ETV5: variants seen among roughly 807,000 people sequenced by gnomAD.
The protein encoded by ETV5 is ETS variant transcription factor 5.
In ETV5, 10 loss-of-function variants were observed where a neutral mutation model predicts 70.0. The observed-to-expected ratio is 0.14, with a 90% confidence interval of 0.09 to 0.24. The LOEUF is 0.24. Ranked by LOEUF, ETV5 falls within the 10% of genes least tolerant of loss-of-function variation. ETV5 has a pLI of 1.00. For missense variants in ETV5, 453 were observed against 651.2 expected (o/e 0.70, Z 3.31); for synonymous variants, 216 against 242.2 (o/e 0.89, Z 1.01).
At chr3:186,100,879 G>C (rs1221314771) in intron 5 of ETV5, among the ~76,000 whole-genome samples, 1 of 152,118 alleles carries the variant, frequency 6.6e-6, no homozygotes, top group Non-Finnish European at 1.5e-5. Flanking sequence ...TATCATAACT[G>C]AAATTAATAA....
At chr3:186,106,084 T>C in intron 1 of ETV5, 142 bp from the exon 2 acceptor site, 1 of 609,742 alleles carries the variant, frequency 1.6e-6, no homozygotes, top group Admixed American at 2.8e-5. Flanking sequence ...GTGCAAGCTT[T>C]ACACACCAAT....
intron 5 of ETV5, among the ~76,000 whole-genome samples, chr3:186,096,603 T>C (rs1714308989): frequency 6.6e-6 from 1 of 151,872 alleles, no homozygotes; most frequent in South Asian, 2.1e-4. Context: ...AGGGAAGGCA[T>C]GCTTGCAAGG....
chr3:186,052,223 A>ACTG lies in ETV5; in HGVS notation c.1210-95_1210-93dup. 8.2e-7 allele frequency: 1 copy of ACTG among 1,214,662 alleles called. No homozygotes were observed. Among genetic ancestry groups the ACTG allele is most frequent in the East Asian group, 2.4e-5 (1 of 41,714 alleles). The allele number at this position is 1,214,662 out of a possible 1,614,324, so 75.2% of individuals were successfully genotyped here. The stretch of plus-strand genomic sequence containing the variant: ...CCAGCAGAGCCAGTTCTGTAACCTG[A>ACTG]CTGCTTTGGTCAATGATCTGCTACT... On this transcript the variant is annotated intron_variant, in intron 11 of 12. Coordinates refer to ENST00000306376, the MANE Select transcript of ETV5 (RefSeq NM_004454.3). This position sits in a 1 kb window ranked among gnomAD's most constrained non-coding sequence, Gnocchi z 4.5.
intron 5 of ETV5, among the ~76,000 whole-genome samples, chr3:186,098,340 T>C (rs1205036314): frequency 6.6e-6 from 1 of 152,180 alleles, no homozygotes; most frequent in Non-Finnish European, 1.5e-5. Flanking sequence ...CAACTCTCTC[T>C]GGAAGCCTGC....
chr3:186,082,428 CTTTTT>C (rs1003609474), intron 5 of ETV5, among the ~76,000 whole-genome samples: 1 of 139,718 alleles, frequency 7.2e-6, no homozygotes. Context: ...TCACTTTTCT[CTTTTT>C]TTTTTTTTTT....
At chr3:186,106,447 A>T (rs1714589213) in intron 1 of ETV5, among the ~76,000 whole-genome samples, 1 of 152,198 alleles carries the variant, frequency 6.6e-6, no homozygotes, top group African/African-American at 2.4e-5. Context: ...CTGTTAAAAC[A>T]CTATATATAG....
At position 186,074,859 on chromosome 3, in the gene ETV5, C is replaced by CAA. The variant is rs747453303; in HGVS notation, c.650+4956_650+4957dup. On this transcript the variant is annotated intron_variant, in intron 7 of 12. Coordinates refer to ENST00000306376, the MANE Select transcript of ETV5 (RefSeq NM_004454.3). ...CTGGGCGACAGTTAGACTCTGTCTC[C>CAA]AAAAAAAAAAAAAAAAAAAAAAAGA... Among the ~76,000 whole-genome samples the CAA allele has an allele frequency of 9.2e-3, 702 of 75,910 alleles. 1 individual carries two copies. The highest frequency in any genetic ancestry group is 0.035 in the East Asian group (104 of 2,976). The allele number at this position is 75,910 out of a possible 152,430, so 49.8% of individuals were successfully genotyped here.
chr3:186,087,190 G>C (rs771615083), intron 5 of ETV5, among the ~76,000 whole-genome samples: 16 of 152,140 alleles, frequency 1.1e-4, no homozygotes, highest in Non-Finnish European at 8.8e-5. Flanking sequence ...TTGCAATTAT[G>C]CTTAACAACA....
In ETV5 at chr3:186,105,742, C is replaced by G. The variant is rs775496805; in HGVS notation, c.46-30G>C. On this transcript the variant is annotated intron_variant, in intron 2 of 12. Coordinates refer to ENST00000306376, the MANE Select transcript of ETV5 (RefSeq NM_004454.3). The surrounding 1 kb of genome is among the most constrained non-coding windows in gnomAD (Gnocchi z 4.5). Reference sequence around the variant, plus strand: ...AAGAGGCCAACAGAAAGTGAAGGCTCAAGTGTAGTAAAGAGGTCCACAGGG... The same window carrying G: ...AAGAGGCCAACAGAAAGTGAAGGCTGAAGTGTAGTAAAGAGGTCCACAGGG... The G allele has an allele frequency of 6.2e-7, 1 of 1,613,558 alleles. No individual in the cohort carries two copies.
chr3:186,059,837 A>T (rs937396124), intron 9 of ETV5, among the ~76,000 whole-genome samples: 1 of 152,216 alleles, frequency 6.6e-6, no homozygotes, highest in Non-Finnish European at 1.5e-5. Context: ...CTAAATAAAT[A>T]TTTGAATAAA....
Position 186,057,030 on chromosome 3 carries a change from C to T in ETV5, c.1209+45G>A, listed in dbSNP as rs1390835142. ...AAATCTAAACAAAAAACATCATCAA[C>T]AACAACAAATCAAAACCCGTCTGAG... On this transcript the variant is annotated intron_variant, in intron 11 of 12. Coordinates refer to ENST00000306376, the MANE Select transcript of ETV5 (RefSeq NM_004454.3). This position sits in a 1 kb window ranked among gnomAD's most constrained non-coding sequence, Gnocchi z 4.9. The T allele has an allele frequency of 3.3e-5, 52 of 1,588,424 alleles. No individual in the cohort carries two copies. In the East Asian group the frequency reaches 1.2e-3, roughly 36 times the overall value.
intron 5 of ETV5, among the ~76,000 whole-genome samples, chr3:186,083,405 GT>G (rs1318728568): frequency 6.6e-6 from 1 of 152,194 alleles, no homozygotes; most frequent in Non-Finnish European, 1.5e-5. Flanking sequence ...CTGATTTCAG[GT>G]TTTAGAAGTG....
chr3:186,052,195 A>G lies in ETV5; in HGVS notation c.1210-64T>C. 6.7e-7 allele frequency: 1 copy of G among 1,490,486 alleles called. No homozygotes were observed. The allele number at this position is 1,490,486 out of a possible 1,614,324, so 92.3% of individuals were successfully genotyped here. ...TCCCTGGGCCCCATGTTCTCTCCCA[A>G]TCCCAGCAGAGCCAGTTCTGTAACC... On this transcript the variant is annotated intron_variant, in intron 11 of 12. Transcript: ENST00000306376. The surrounding 1 kb of genome is among the most constrained non-coding windows in gnomAD (Gnocchi z 4.5).
rs1223714174 is a variant in ETV5, at chr3:186,048,089, C to T, written c.*550G>A. 1 of 234,060 alleles carries T rather than the reference C, an allele frequency of 4.3e-6. No homozygotes were observed. The highest frequency in any genetic ancestry group is 2.2e-5 in the African/African-American group (1 of 45,286). The allele number at this position is 234,060 out of a possible 1,614,324, so 14.5% of individuals were successfully genotyped here. On this transcript the variant is annotated 3_prime_UTR_variant, in exon 13 of 13. Coordinates refer to ENST00000306376, the MANE Select transcript of ETV5 (RefSeq NM_004454.3). The stretch of plus-strand genomic sequence containing the variant: ...AGTGGGGAACAGCTGTTCTGACTGC[C>T]CCCCTTTTTCTAGACAAGGGGTAAT...
intron 7 of ETV5, among the ~76,000 whole-genome samples, chr3:186,067,496 C>G (rs1713478440): frequency 1.3e-5 from 2 of 152,050 alleles, no homozygotes; most frequent in Admixed American, 1.3e-4. Context: ...CCTGTAATCC[C>G]AGCTACTCAG....
intron 9 of ETV5, among the ~76,000 whole-genome samples, chr3:186,059,173 AC>A (rs1407322984): frequency 3.3e-5 from 5 of 152,198 alleles, no homozygotes; most frequent in African/African-American, 1.2e-4. Flanking sequence ...GAGGCCTGGG[AC>A]TGAAGAAACT....
At chr3:186,079,755 C>T in intron 7 of ETV5, 62 bp downstream of exon 7, 2 of 1,515,578 alleles carry the variant, frequency 1.3e-6, no homozygotes, top group Non-Finnish European at 1.8e-6. Context: ...CTTCCCCTCT[C>T]CCAGTGAGAA....
chr3:186,065,754 G>A (rs1019915424), intron 8 of ETV5, 59 bp downstream of exon 8: 1 of 1,607,724 alleles, frequency 6.2e-7, no homozygotes, highest in African/African-American at 1.3e-5. Flanking sequence ...ATAAGACACT[G>A]AATAACGAGA....
intron 9 of ETV5, among the ~76,000 whole-genome samples, chr3:186,058,823 G>C (rs570238175): frequency 7.9e-5 from 12 of 152,148 alleles, no homozygotes; most frequent in Admixed American, 6.5e-4. Context: ...AGACCAGCCT[G>C]GCCAACATGG....
Sources: gnomAD v4.1 joint callset for allele counts (sites outside exome capture counted in the v4.1 genomes callset) on GRCh38, gnomAD v4.1.1 for gene constraint, Gnocchi (gnomAD v3.1) non-coding constraint, MANE v1.5 for transcripts, NCBI Gene and HGNC (gene_info 2026-07-23, HGNC 2026-07-21) for gene names.